The following PPP2R3B variants were observed in gnomAD, a reference collection of about 807,000 sequenced individuals.
PPP2R3B encodes serine/threonine-protein phosphatase 2A regulatory subunit B'' subunit beta.
A neutral mutation model predicts 72.9 loss-of-function variants in PPP2R3B; 68 were observed. The observed-to-expected ratio is 0.93, with a 90% CI of 0.77 to 1.14. The LOEUF (loss-of-function observed/expected upper bound fraction) is 1.14. PPP2R3B is among the 50% of genes most tolerant of loss of function. PPP2R3B has a pLI of 0.00. For synonymous variants in PPP2R3B, 466 were observed against 375.8 expected, an observed-to-expected ratio of 1.24 and a Z score of -2.78; for missense variants, 1,018 against 842.0, an observed-to-expected ratio of 1.21 and a Z score of -2.59.
chrX:341,769 G>A (rs1188748131), intron 8 of PPP2R3B, 114 bp downstream of exon 8: 2 of 1,165,996 alleles, frequency 1.7e-6, no homozygotes, highest in Non-Finnish European at 2.6e-6. Flanking sequence ...AGGGCCTGGG[G>A]TGACAACCAC....
chrX:360,600 G>A (rs1202329097), intron 2 of PPP2R3B, among the ~76,000 whole-genome samples: 3 of 152,218 alleles, frequency 2.0e-5, no homozygotes, highest in Non-Finnish European at 4.4e-5. Flanking sequence ...CTGCAGAGCT[G>A]GAGAGGGCTG....
chrX:380,507 C>A (rs1326953644), intron 1 of PPP2R3B, among the ~76,000 whole-genome samples: 2 of 152,118 alleles, frequency 1.3e-5, no homozygotes, highest in African/African-American at 4.8e-5. Context: ...CAGTACTGGC[C>A]GGGTGTGGTT....
intron 10 of PPP2R3B, among the ~76,000 whole-genome samples, chrX:339,201 C>T (rs1417672673): frequency 1.3e-5 from 2 of 148,650 alleles, no homozygotes; most frequent in Non-Finnish European, 3.0e-5. Context: ...TTACAGAGAA[C>T]GGAGCTCCCC....
chrX:337,894 C>T (rs1377718744), intron 12 of PPP2R3B: 3 of 153,612 alleles, frequency 2.0e-5, no homozygotes, highest in African/African-American at 7.2e-5. Context: ...GAGCTTCACA[C>T]CCCACAGGGA....
chrX:386,688 G>T lies in PPP2R3B; in HGVS notation c.4C>A (p.Pro2Thr). Residue 2 changes from proline (P) to threonine (T), a missense_variant, in exon 1 of 13, where the codon CCG becomes ACG. Pro to Thr is a conservative substitution (Grantham distance 38). Coordinates refer to ENST00000390665, the MANE Select transcript of PPP2R3B (RefSeq NM_013239.5). M[P>T]PGKVLQPVLK... ...ACCGGCTGCAGCACTTTGCCGGGCG[G>T]CATGGCGGGGGCTGGGCCCGCGGCG... The T allele has an allele frequency of 7.7e-7, 1 of 1,298,178 alleles. No individual in the cohort carries two copies. The highest frequency in any genetic ancestry group is 9.7e-7 in the Non-Finnish European group (1 of 1,026,644). 80.4% of individuals were successfully genotyped at this position (1,298,178 alleles called of 1,614,324 possible).
chrX:346,319 ACGGAGACCGGGAGC>A (rs2071211738), intron 5 of PPP2R3B, 59 bp from the exon 6 acceptor site: 1 of 1,498,160 alleles, frequency 6.7e-7, no homozygotes, highest in Admixed American at 2.0e-5. Context: ...CTCGCCCCGC[ACGGAGACCGGGAGC>A]CGGGAGAGGG....
intron 12 of PPP2R3B, 151 bp from the exon 13 acceptor site, chrX:334,668 G>T: frequency 1.1e-6 from 1 of 934,394 alleles, no homozygotes; most frequent in Non-Finnish European, 1.5e-6. Flanking sequence ...CCAGCAACGC[G>T]CTCCTGGCTG....
At chrX:346,343 G>GGC in intron 5 of PPP2R3B, 83 bp from the exon 6 acceptor site, 1 of 1,389,376 alleles carries the variant, frequency 7.2e-7, no homozygotes, top group Non-Finnish European at 9.9e-7. Context: ...CCGGGAGAGG[G>GGC]GCGCGCCCTT....
intron 8 of PPP2R3B, 150 bp from the exon 9 acceptor site, chrX:341,546 G>A: frequency 1.3e-6 from 1 of 779,544 alleles, no homozygotes; most frequent in Non-Finnish European, 2.1e-6. Flanking sequence ...TGCCTCTCCG[G>A]GGAGGAGGTG....
At chrX:376,247 T>C (rs761304612) in intron 1 of PPP2R3B, among the ~76,000 whole-genome samples, 1 of 150,912 alleles carries the variant, frequency 6.6e-6, no homozygotes, top group Non-Finnish European at 1.5e-5. Flanking sequence ...AATCCTGAAG[T>C]GCACACATAG....
chrX:381,593 C>CTT (rs950950107), intron 1 of PPP2R3B, among the ~76,000 whole-genome samples: 1,634 of 94,944 alleles, frequency 0.017, 67 homozygotes, highest in African/African-American at 0.039. Context: ...ACAAGCTCAT[C>CTT]TTTTTTTTTT....
chrX:374,963 G>C (rs1603127784), intron 1 of PPP2R3B, among the ~76,000 whole-genome samples: 1 of 152,216 alleles, frequency 6.6e-6, no homozygotes, highest in East Asian at 1.9e-4. Flanking sequence ...CTTTTTCCGA[G>C]TGTCCTAGAC....
At chrX:338,161 C>T (rs1020473310) in intron 12 of PPP2R3B, 9 of 263,128 alleles carry the variant, frequency 3.4e-5, no homozygotes, top group East Asian at 1.6e-4. Context: ...CACGAAGAAC[C>T]CTCACGCTCC....
At chrX:340,463 TGTCCCCTCACCCTGGGC>T (rs1569377958) in intron 10 of PPP2R3B, among the ~76,000 whole-genome samples, 1,741 of 62,754 alleles carry the variant, frequency 0.028, 235 homozygotes, top group Middle Eastern at 0.054. Flanking sequence ...CCCTCCCGTC[TGTCCCCTCACCCTGGGC>T]CGTCCCCCCT....
At chrX:373,744 G>T in intron 1 of PPP2R3B, 1 of 148,462 alleles carries the variant, frequency 6.7e-6, no homozygotes, top group South Asian at 1.9e-4. Flanking sequence ...GGGCGCTGCA[G>T]GCGTGGCCCG....
At chrX:386,232 C>T (rs1291455599) in intron 1 of PPP2R3B, 136 bp downstream of exon 1, 95 of 522,922 alleles carry the variant, frequency 1.8e-4, no homozygotes, top group Non-Finnish European at 2.6e-4. Context: ...TGGGGGGGGT[C>T]GGGGCGGGGA....
rs2071659582 is a variant in PPP2R3B, at chrX:364,677, CACTGCACTCCAGCCTGGG to C, written c.325-3105_325-3088del. Among the ~76,000 whole-genome samples the C allele has an allele frequency of 1.2e-4, 8 of 64,342 alleles. 2 individuals carry two copies. Among genetic ancestry groups the C allele is most frequent in the East Asian group, 5.6e-4 (1 of 1,794 alleles). The allele number at this position is 64,342 out of a possible 152,430, so 42.2% of individuals were successfully genotyped here. On this transcript the variant is annotated intron_variant, in intron 1 of 12. Coordinates refer to ENST00000390665, the MANE Select transcript of PPP2R3B (RefSeq NM_013239.5). ...AGGTTGCAGTGAGCTGAGATCGCAC[CACTGCACTCCAGCCTGGG>C]CGACAGAGTGAGACTCTGTCTCAAA...
At chrX:383,837 C>CAAA (rs757960788) in intron 1 of PPP2R3B, among the ~76,000 whole-genome samples, 4,280 of 45,500 alleles carry the variant, frequency 0.094, 585 homozygotes, top group Non-Finnish European at 0.15. Context: ...GACTCCGTCT[C>CAAA]AAAAAAAAAA....
intron 10 of PPP2R3B, among the ~76,000 whole-genome samples, chrX:340,321 C>T (rs1477653325): frequency 6.6e-6 from 1 of 151,114 alleles, no homozygotes; most frequent in African/African-American, 2.4e-5. Context: ...TCTAGGTCAC[C>T]CCTCGGGGGG....
Sources: gnomAD v4.1 joint callset for allele counts (sites outside exome capture counted in the v4.1 genomes callset) on GRCh38, gnomAD v4.1.1 for gene constraint, MANE v1.5 for transcripts, NCBI Gene and HGNC (gene_info 2026-07-23, HGNC 2026-07-21) for gene names.